PCDHA7: variants seen among roughly 807,000 people sequenced by gnomAD.
PCDHA7 encodes protocadherin alpha 7.
A neutral mutation model predicts 57.2 loss-of-function variants in PCDHA7; 37 were observed. That is an observed-to-expected ratio of 0.65 (90% CI 0.50 to 0.85). The LOEUF (loss-of-function observed/expected upper bound fraction) is 0.85, where lower values mean the gene tolerates loss of function less well. Among genes scored for constraint, PCDHA7 ranks in the 40% least tolerant of loss-of-function variants. PCDHA7 has a pLI of 0.00. For missense variants in PCDHA7, 1,188 were observed against 1,241.8 expected, an observed-to-expected ratio of 0.96 and a Z score of 0.65; for synonymous variants, 553 against 558.8, an observed-to-expected ratio of 0.99 and a Z score of 0.15.
At chr5:140,964,567 A>G (rs2095840776) in intron 1 of PCDHA7, among the ~76,000 whole-genome samples, 1 of 152,080 alleles carries the variant, frequency 6.6e-6, no homozygotes. Context: ...GGCTGGGAGG[A>G]GATAAGGGGA....
chr5:140,864,502 C>A (rs989482807), intron 1 of PCDHA7: 2 of 152,088 alleles, frequency 1.3e-5, no homozygotes, highest in African/African-American at 4.8e-5. Context: ...TTTAGCCTTG[C>A]CTTTAAAGGT....
rs17844334 is a variant in PCDHA7 at position 140,850,512 on chromosome 5, G to C, written c.2355+13774G>C. On this transcript the variant is annotated intron_variant, in intron 1 of 3. Transcript: ENST00000525929. ...TGTGCTGGTGTCGCTGGTGGAGAGCGGCCAGGCGCCAAAGTCATCGTCGCG... is the reference window on the plus strand; with the variant it reads ...TGTGCTGGTGTCGCTGGTGGAGAGCCGCCAGGCGCCAAAGTCATCGTCGCG... The C allele has an allele frequency of 2.1e-4, 342 of 1,598,262 alleles. 9 individuals carry two copies. The East Asian group carries it at 6.3e-3, about 30-fold the overall frequency.
At chr5:140,974,712 G>C (rs999445044) in intron 1 of PCDHA7, among the ~76,000 whole-genome samples, 1 of 152,076 alleles carries the variant, frequency 6.6e-6, no homozygotes, top group African/African-American at 2.4e-5. Flanking sequence ...TGTTGTTCAA[G>C]CTGCTCTCGA....
At chr5:140,870,010 G>A in intron 1 of PCDHA7, 1 of 1,613,560 alleles carries the variant, frequency 6.2e-7, no homozygotes, top group Non-Finnish European at 8.5e-7. Context: ...AGAAGTGAGG[G>A]TCAATGGAAC....
At chr5:140,938,133 A>G (rs2091933876) in intron 1 of PCDHA7, among the ~76,000 whole-genome samples, 1 of 152,268 alleles carries the variant, frequency 6.6e-6, no homozygotes, top group South Asian at 2.1e-4. Context: ...AAAAATAGAG[A>G]TAGAGTCTCA....
chr5:140,971,392 T>C (rs1399891976), intron 1 of PCDHA7, among the ~76,000 whole-genome samples: 1 of 152,154 alleles, frequency 6.6e-6, no homozygotes, highest in East Asian at 1.9e-4. Flanking sequence ...TAAAGGCAAA[T>C]TTCTGCCAGG....
At chr5:140,880,198 G>C (rs1360437780) in intron 1 of PCDHA7, among the ~76,000 whole-genome samples, 1 of 152,164 alleles carries the variant, frequency 6.6e-6, no homozygotes, top group Non-Finnish European at 1.5e-5. Flanking sequence ...ATAAACAGAA[G>C]AGGTTTTCCA....
intron 1 of PCDHA7, among the ~76,000 whole-genome samples, chr5:140,925,081 GA>G (rs2082282278): frequency 1.4e-5 from 2 of 146,052 alleles, no homozygotes; most frequent in African/African-American, 2.7e-5. Flanking sequence ...CGCTCATCTG[GA>G]AAGGAAGGAA....
At chr5:140,997,603 C>T (rs781897268) in intron 3 of PCDHA7, among the ~76,000 whole-genome samples, 2 of 151,824 alleles carry the variant, frequency 1.3e-5, no homozygotes, top group African/African-American at 2.4e-5. Flanking sequence ...GATTATGGGG[C>T]GCATGACTAT....
intron 1 of PCDHA7, chr5:140,928,982 G>T: frequency 6.2e-7 from 1 of 1,613,824 alleles, no homozygotes; most frequent in Non-Finnish European, 8.5e-7. Flanking sequence ...TTATTTCTGG[G>T]GTGCTTACTT....
At position 140,927,553 on chromosome 5, in the gene PCDHA7, A is replaced by G. The variant is rs782577411; in HGVS notation, c.2356-51396A>G. 1.3e-5 allele frequency: 21 copies of G among 1,614,030 alleles called. No homozygotes were observed. The highest frequency in any genetic ancestry group is 9.3e-5 in the African/African-American group (7 of 74,932). ...CCGCTCAGGAGACGCACAAGTCACC[A>G]TCATTGTGGTGGACACAAATGACAA... On this transcript the variant is annotated intron_variant, in intron 1 of 3. Coordinates refer to ENST00000525929, the MANE Select transcript of PCDHA7 (RefSeq NM_018910.3).
At chr5:140,916,825 C>T (rs2077750975) in intron 1 of PCDHA7, among the ~76,000 whole-genome samples, 1 of 152,144 alleles carries the variant, frequency 6.6e-6, no homozygotes, top group Non-Finnish European at 1.5e-5. Context: ...CCACCCCTAT[C>T]CCTCTGGTTC....
At chr5:140,917,336 G>T (rs1183036523) in intron 1 of PCDHA7, among the ~76,000 whole-genome samples, 1 of 144,856 alleles carries the variant, frequency 6.9e-6, no homozygotes, top group Non-Finnish European at 1.5e-5. Context: ...GGGGAGGGGG[G>T]GGATGGTGTA....
In PCDHA7 at chr5:141,009,796, T is replaced by C; in HGVS notation, c.2673T>C (p.Thr891=). The C allele has an allele frequency of 6.2e-7, 1 of 1,614,046 alleles. No individual in the cohort carries two copies. The highest frequency in any genetic ancestry group is 8.5e-7 in the Non-Finnish European group (1 of 1,180,016). Residue 891 remains threonine (T), a synonymous_variant, in exon 4 of 4, where the codon ACT becomes ACC. Coordinates refer to ENST00000525929, the MANE Select transcript of PCDHA7 (RefSeq NM_018910.3). ...PAIISIRQEP[T]NSQIDKSDFI... ...TCATCTCCATCCGGCAGGAGCCTACTAACAGCCAAATTGACAAAAGTGACT... is the reference window on the plus strand; with the variant it reads ...TCATCTCCATCCGGCAGGAGCCTACCAACAGCCAAATTGACAAAAGTGACT...
intron 1 of PCDHA7, among the ~76,000 whole-genome samples, chr5:140,902,203 CT>C (rs148688132): frequency 0.19 from 23,745 of 124,094 alleles, 1,540 homozygotes; most frequent in African/African-American, 0.29. Flanking sequence ...CTCTCTCTTT[CT>C]TTTTTTTTTT....
intron 3 of PCDHA7, among the ~76,000 whole-genome samples, chr5:141,001,745 T>A (rs2098035193): frequency 6.6e-6 from 1 of 152,200 alleles, no homozygotes; most frequent in Non-Finnish European, 1.5e-5. Flanking sequence ...CTGGGCTGTT[T>A]CAGTGGTTGA....
chr5:140,876,948 C>T, intron 1 of PCDHA7: 2 of 1,613,572 alleles, frequency 1.2e-6, no homozygotes, highest in Non-Finnish European at 1.7e-6. Context: ...TGGTGTCCTA[C>T]TCGCTGGTGG....
At chr5:140,848,202 C>T in intron 1 of PCDHA7, 1 of 328,080 alleles carries the variant, frequency 3.0e-6, no homozygotes, top group South Asian at 5.4e-5. Flanking sequence ...TTTCAACAAT[C>T]ATTACTTAAG....
At chr5:140,912,806 T>TA (rs1378576653) in intron 1 of PCDHA7, among the ~76,000 whole-genome samples, 2 of 152,232 alleles carry the variant, frequency 1.3e-5, no homozygotes, top group African/African-American at 4.8e-5. Context: ...TGAGGGTTTT[T>TA]ATCATAAAGG....
Sources: allele counts gnomAD v4.1 joint callset (sites outside exome capture counted in the v4.1 genomes callset), GRCh38; gene constraint gnomAD v4.1.1; transcripts MANE v1.5; gene names NCBI Gene and HGNC (gene_info 2026-07-23, HGNC 2026-07-21).